The following CNTNAP5 variants were observed in gnomAD, a reference collection of about 807,000 sequenced individuals.
The protein encoded by CNTNAP5 is contactin-associated protein-like 5.
CNTNAP5 carries 72 observed loss-of-function variants against 150.2 expected under a neutral mutation model. The ratio of observed to expected loss-of-function variants is 0.48; its 90% CI spans 0.40 to 0.58. The LOEUF is 0.58. Among genes scored for constraint, CNTNAP5 ranks in the 20% least tolerant of loss-of-function variants. The pLI is 0.00. For missense variants in CNTNAP5, 1,636 were observed against 1,626.2 expected (o/e 1.01, Z -0.10); for synonymous variants, 672 against 619.8 (o/e 1.08, Z -1.25).
At chr2:124,598,974 G>A (rs924568116) in intron 11 of CNTNAP5, among the ~76,000 whole-genome samples, 17 of 151,984 alleles carry the variant, frequency 1.1e-4, no homozygotes, top group Non-Finnish European at 2.9e-5. Flanking sequence ...CGCTTCCCAG[G>A]TGAGGCAATG....
chr2:124,303,734 T>A (rs1483282882), intron 3 of CNTNAP5, among the ~76,000 whole-genome samples: 2 of 152,194 alleles, frequency 1.3e-5, no homozygotes, highest in Non-Finnish European at 2.9e-5. Flanking sequence ...ATCATCATAA[T>A]AATAACAATA....
At chr2:124,493,504 C>T (rs908832667) in intron 7 of CNTNAP5, among the ~76,000 whole-genome samples, 2 of 151,824 alleles carry the variant, frequency 1.3e-5, no homozygotes, top group Admixed American at 6.6e-5. Flanking sequence ...CCATGTCTGG[C>T]TAATTTTTTA....
intron 3 of CNTNAP5, among the ~76,000 whole-genome samples, chr2:124,409,913 A>G (rs1324604418): frequency 6.6e-6 from 1 of 151,128 alleles, no homozygotes; most frequent in Non-Finnish European, 1.5e-5. Context: ...AAATGCTCCA[A>G]TTAAAAGACA....
At chr2:124,816,473 C>CTTTTTTTTTT (rs34089178) in intron 19 of CNTNAP5, among the ~76,000 whole-genome samples, 2 of 107,662 alleles carry the variant, frequency 1.9e-5, no homozygotes, top group African/African-American at 3.7e-5. Context: ...TTGCAGCTTA[C>CTTTTTTTTTT]TTTTTTTTTT....
At chr2:124,517,692 TG>T (rs1200599000) in intron 8 of CNTNAP5, among the ~76,000 whole-genome samples, 1 of 130,172 alleles carries the variant, frequency 7.7e-6, no homozygotes, top group African/African-American at 3.0e-5. Flanking sequence ...GTGTTTGTGA[TG>T]GAGGGTTGTG....
intron 1 of CNTNAP5, among the ~76,000 whole-genome samples, chr2:124,062,953 AATGT>A (rs1682054541): frequency 1.3e-5 from 2 of 152,078 alleles, no homozygotes; most frequent in South Asian, 4.1e-4. Context: ...TTCATTAGAG[AATGT>A]ATCTAACTGA....
At chr2:124,566,638 A>T (rs1301880131) in intron 11 of CNTNAP5, among the ~76,000 whole-genome samples, 1 of 152,238 alleles carries the variant, frequency 6.6e-6, no homozygotes, top group African/African-American at 2.4e-5. Flanking sequence ...CTGGGCACTC[A>T]GCCAGGACAA....
intron 3 of CNTNAP5, among the ~76,000 whole-genome samples, chr2:124,359,221 G>C (rs1200132480): frequency 6.6e-6 from 1 of 151,582 alleles, no homozygotes; most frequent in Non-Finnish European, 1.5e-5. Flanking sequence ...CTTGCTAGCG[G>C]TCTATCAATT....
At chr2:124,487,018 T>A (rs992611817) in intron 7 of CNTNAP5, among the ~76,000 whole-genome samples, 1 of 152,226 alleles carries the variant, frequency 6.6e-6, no homozygotes, top group African/African-American at 2.4e-5. Flanking sequence ...TGAAATTGTT[T>A]TATTTCCCTG....
rs189676601 is a variant in CNTNAP5 at position 124,629,928 on chromosome 2, C to T, written c.1877-17830C>T. Reference sequence around the variant, plus strand: ...TAACCATCAGAGAATACTATAAACACCTCTATGCAAAAAAAAAAAAAAAAA... The same window carrying T: ...TAACCATCAGAGAATACTATAAACATCTCTATGCAAAAAAAAAAAAAAAAA... On this transcript the variant is annotated intron_variant, in intron 12 of 23. Coordinates refer to ENST00000682447, the MANE Select transcript of CNTNAP5 (RefSeq NM_001367498.1). Among the ~76,000 whole-genome samples, 28 of 76,320 alleles carry T rather than the reference C, an allele frequency of 3.7e-4. No homozygotes were observed. In the South Asian group the frequency reaches 9.6e-3, roughly 26 times the overall value. 50.1% of individuals were successfully genotyped at this position (76,320 alleles called of 152,430 possible).
At chr2:124,218,426 C>A (rs539841483) in intron 1 of CNTNAP5, among the ~76,000 whole-genome samples, 1 of 152,222 alleles carries the variant, frequency 6.6e-6, no homozygotes, top group Non-Finnish European at 1.5e-5. Flanking sequence ...GGAGTGATTT[C>A]TTCCTTTTAG....
Position 124,415,691 on chromosome 2 carries a change from A to T in CNTNAP5, c.382-1752A>T, listed in dbSNP as rs12617456. On this transcript the variant is annotated intron_variant, in intron 3 of 23. Transcript: ENST00000682447. Reference sequence around the variant, plus strand: ...TTCATAATGAAGCAAGCAAATCGGTATGCTAGCTGACATCCCATCTTAAAG... The same window carrying T: ...TTCATAATGAAGCAAGCAAATCGGTTTGCTAGCTGACATCCCATCTTAAAG... Among the ~76,000 whole-genome samples, 97 of 152,318 alleles carry T rather than the reference A, an allele frequency of 6.4e-4. No homozygotes were observed. In the East Asian group the frequency reaches 0.015, roughly 24 times the overall value.
At chr2:124,125,865 T>TGCA (rs1683683615) in intron 1 of CNTNAP5, among the ~76,000 whole-genome samples, 2 of 151,994 alleles carry the variant, frequency 1.3e-5, no homozygotes, top group Non-Finnish European at 2.9e-5. Context: ...TTGAAACCCG[T>TGCA]GAGAAAAAAG....
intron 21 of CNTNAP5, among the ~76,000 whole-genome samples, chr2:124,872,672 A>G (rs947969430): frequency 3.9e-5 from 6 of 151,918 alleles, no homozygotes; most frequent in African/African-American, 1.5e-4. Flanking sequence ...GTTACTATTA[A>G]TATCATTAAC....
At chr2:124,623,712 A>C (rs1677664603) in intron 12 of CNTNAP5, among the ~76,000 whole-genome samples, 2 of 152,260 alleles carry the variant, frequency 1.3e-5, no homozygotes, top group South Asian at 2.1e-4. Flanking sequence ...AAACACATCC[A>C]CTGTCTTTAG....
intron 13 of CNTNAP5, among the ~76,000 whole-genome samples, chr2:124,713,626 T>C (rs905249363): frequency 2.6e-5 from 4 of 151,992 alleles, no homozygotes; most frequent in South Asian, 2.1e-4. Flanking sequence ...TCCACCCGCA[T>C]TGGTTTCCTA....
intron 21 of CNTNAP5, among the ~76,000 whole-genome samples, chr2:124,886,381 A>T (rs543558179): frequency 6.6e-6 from 1 of 152,218 alleles, no homozygotes; most frequent in Admixed American, 6.5e-5. Context: ...CAGCTGCCTT[A>T]CATCTCTTGG....
At chr2:124,470,257 G>A (rs546072912) in intron 6 of CNTNAP5, among the ~76,000 whole-genome samples, 144 of 152,066 alleles carry the variant, frequency 9.5e-4, no homozygotes, top group Non-Finnish European at 1.7e-3. Flanking sequence ...TTTAATGATA[G>A]CCATTCTGAC....
chr2:124,378,197 A>G (rs967515561), intron 3 of CNTNAP5, among the ~76,000 whole-genome samples: 2 of 152,052 alleles, frequency 1.3e-5, no homozygotes, highest in South Asian at 2.1e-4. Context: ...TAAGTACTTC[A>G]TGAGGACAAC....
Sources: gnomAD v4.1 joint callset for allele counts (sites outside exome capture counted in the v4.1 genomes callset) on GRCh38, gnomAD v4.1.1 for gene constraint, MANE v1.5 for transcripts, NCBI Gene and HGNC (gene_info 2026-07-23, HGNC 2026-07-21) for gene names.